GKAP1: variants seen among roughly 807,000 people sequenced by gnomAD.
The protein encoded by GKAP1 is G kinase-anchoring protein 1.
A neutral mutation model predicts 56.7 loss-of-function variants in GKAP1; 31 were observed. That is an observed-to-expected ratio of 0.55 (90% CI 0.41 to 0.74). The LOEUF (loss-of-function observed/expected upper bound fraction) is 0.74. Among genes scored for constraint, GKAP1 ranks in the 30% least tolerant of loss-of-function variants. GKAP1 has a pLI of 0.00. For missense variants in GKAP1, 364 were observed against 402.3 expected (o/e 0.90, Z 0.82); for synonymous variants, 151 against 138.6 (o/e 1.09, Z -0.63).
intron 2 of GKAP1, among the ~76,000 whole-genome samples, chr9:83,815,233 A>C (rs1331597013): frequency 6.6e-6 from 1 of 151,918 alleles, no homozygotes; most frequent in Non-Finnish European, 1.5e-5. Flanking sequence ...GCTTAAGTAA[A>C]CTGCTTCTAA....
At chr9:83,757,994 C>A (rs941203666) in intron 8 of GKAP1, among the ~76,000 whole-genome samples, 8 of 152,212 alleles carry the variant, frequency 5.3e-5, no homozygotes, top group African/African-American at 1.9e-4. Context: ...CATCAAACAA[C>A]AGGATGGAAT....
intron 7 of GKAP1, 131 bp from the exon 8 acceptor site, chr9:83,769,101 G>T: frequency 3.4e-6 from 2 of 589,034 alleles, no homozygotes; most frequent in Non-Finnish European, 5.7e-6. Flanking sequence ...AAAAAAGAAA[G>T]AAAAATGACA....
At chr9:83,765,031 T>G (rs1340376893) in intron 8 of GKAP1, among the ~76,000 whole-genome samples, 1 of 152,158 alleles carries the variant, frequency 6.6e-6, no homozygotes, top group African/African-American at 2.4e-5. Context: ...GTCAGAGACC[T>G]TCACAGAAGC....
At chr9:83,775,882 A>G (rs1447320614) in intron 7 of GKAP1, among the ~76,000 whole-genome samples, 1 of 150,320 alleles carries the variant, frequency 6.7e-6, no homozygotes, top group Non-Finnish European at 1.5e-5. Flanking sequence ...CTCAAAAAAA[A>G]AAAAAAAAAA....
chr9:83,806,592 TAAAC>T (rs779822435), intron 2 of GKAP1, 32 bp from the exon 3 acceptor site: 75 of 1,199,728 alleles, frequency 6.3e-5, no homozygotes, highest in Admixed American at 2.4e-4. Context: ...GGCAGATGGG[TAAAC>T]AAACAGAGTA....
chr9:83,775,687 G>C (rs1264124412), intron 7 of GKAP1, among the ~76,000 whole-genome samples: 1 of 151,722 alleles, frequency 6.6e-6, no homozygotes, highest in Admixed American at 6.6e-5. Flanking sequence ...ACCAGCCTGA[G>C]CAACCCAGTG....
At chr9:83,801,827 G>T (rs1352762771) in intron 3 of GKAP1, among the ~76,000 whole-genome samples, 1 of 152,278 alleles carries the variant, frequency 6.6e-6, no homozygotes, top group East Asian at 1.9e-4. Context: ...TGAAAGATCT[G>T]ACTTCTGAAA....
At chr9:83,773,660 ACTTAGTGTTGATCATTT>A (rs1395812459) in intron 7 of GKAP1, among the ~76,000 whole-genome samples, 5 of 152,156 alleles carry the variant, frequency 3.3e-5, no homozygotes, top group African/African-American at 1.2e-4. Flanking sequence ...CATTACCTCA[ACTTAGTGTTGATCATTT>A]CCATGTTTTT....
chr9:83,759,845 T>C (rs191209175), intron 8 of GKAP1, among the ~76,000 whole-genome samples: 2 of 152,334 alleles, frequency 1.3e-5, no homozygotes, highest in Non-Finnish European at 2.9e-5. Flanking sequence ...TTAATATTAC[T>C]GTAATAAACT....
chr9:83,780,570 T>C (rs1165708426), intron 6 of GKAP1, among the ~76,000 whole-genome samples, 166 bp from the exon 7 acceptor site: 2 of 152,134 alleles, frequency 1.3e-5, no homozygotes, highest in Non-Finnish European at 2.9e-5. Flanking sequence ...TTTACTTTTC[T>C]AGGTTTAAGA....
chr9:83,799,149 A>G lies in GKAP1; in HGVS notation c.360+36T>C, dbSNP rs200668470. On this transcript the variant is annotated intron_variant, in intron 4 of 12. Transcript: ENST00000376371. ...GCCATGTGAAAAATCCATAAATTCA[A>G]TGAAAAACAAAGCAATTTTATTTAC... 5.9e-4 allele frequency: 937 copies of G among 1,595,314 alleles called. 12 individuals are homozygous for G. In the Middle Eastern group the frequency reaches 0.022, roughly 37 times the overall value.
At chr9:83,741,358 T>TCA (rs777468995) in intron 12 of GKAP1, among the ~76,000 whole-genome samples, 1,487 of 147,678 alleles carry the variant, frequency 0.01, 21 homozygotes, top group African/African-American at 0.037. Flanking sequence ...TAAATATATC[T>TCA]CTCACACACA....
At chr9:83,792,540 C>A (rs1944178372) in intron 4 of GKAP1, among the ~76,000 whole-genome samples, 1 of 151,956 alleles carries the variant, frequency 6.6e-6, no homozygotes, top group African/African-American at 2.4e-5. Flanking sequence ...GGAACACTGA[C>A]AATATGAAGT....
intron 4 of GKAP1, among the ~76,000 whole-genome samples, chr9:83,790,068 A>G (rs1944128963): frequency 6.6e-6 from 1 of 152,216 alleles, no homozygotes; most frequent in Non-Finnish European, 1.5e-5. Flanking sequence ...AATAGACACT[A>G]TGAACTAAAC....
At chr9:83,786,340 C>G (rs1016581574) in intron 5 of GKAP1, among the ~76,000 whole-genome samples, 13 of 151,898 alleles carry the variant, frequency 8.6e-5, no homozygotes, top group Admixed American at 7.2e-4. Flanking sequence ...GTCGGGAGTT[C>G]AAGACTAGCC....
intron 4 of GKAP1, among the ~76,000 whole-genome samples, chr9:83,795,715 G>A (rs1944235926): frequency 6.7e-6 from 1 of 150,350 alleles, no homozygotes; most frequent in African/African-American, 2.4e-5. Context: ...CACATCCAGT[G>A]AATTTTTGCA....
chr9:83,812,959 C>T (rs1384651039), intron 2 of GKAP1, among the ~76,000 whole-genome samples: 1 of 152,110 alleles, frequency 6.6e-6, no homozygotes, highest in Non-Finnish European at 1.5e-5. Flanking sequence ...GTTATGCAAT[C>T]CAGGAATTCC....
intron 8 of GKAP1, among the ~76,000 whole-genome samples, chr9:83,755,293 T>G (rs1943455605): frequency 6.6e-6 from 1 of 152,122 alleles, no homozygotes; most frequent in Admixed American, 6.5e-5. Flanking sequence ...AACTGAAAAC[T>G]AAGTCACTAA....
chr9:83,742,153 C>T (rs533620066), intron 11 of GKAP1, 124 bp from the exon 12 acceptor site: 17 of 670,010 alleles, frequency 2.5e-5, no homozygotes, highest in African/African-American at 9.2e-5. Context: ...AAGCTCCCCC[C>T]ATAATTTCCA....
Sources: allele counts gnomAD v4.1 joint callset (sites outside exome capture counted in the v4.1 genomes callset), GRCh38; gene constraint gnomAD v4.1.1; transcripts MANE v1.5; gene names NCBI Gene and HGNC (gene_info 2026-07-23, HGNC 2026-07-21).